CRABP2: variants seen among roughly 807,000 people sequenced by gnomAD.
The protein encoded by CRABP2 is cellular retinoic acid binding protein 2, also known as cellular retinoic acid-binding protein 2.
A neutral mutation model predicts 17.9 loss-of-function variants in CRABP2; 20 were observed. The ratio of observed to expected loss-of-function variants is 1.12; its 90% CI spans 0.79 to 1.63. CRABP2 has a LOEUF of 1.63. Ranked by LOEUF, CRABP2 falls within the 40% of genes most tolerant of loss-of-function variation. The pLI, the probability that CRABP2 is intolerant of heterozygous loss-of-function variation, is 0.00. For missense variants in CRABP2, 151 were observed against 168.6 expected (o/e 0.90, Z 0.58); for synonymous variants, 76 against 66.4 (o/e 1.14, Z -0.70).
At chr1:156,700,484 A>C in intron 3 of CRABP2, 58 bp downstream of exon 3, 4 of 1,400,144 alleles carry the variant, frequency 2.9e-6, no homozygotes, top group Non-Finnish European at 4.1e-6. Flanking sequence ...GGGGTCTCCC[A>C]GAGAATCTTG....
chr1:156,705,675 C>T (rs1571483291), upstream of CRABP2: 1 of 486,892 alleles, frequency 2.1e-6, no homozygotes, highest in South Asian at 3.6e-5. This position sits in a 1 kb window ranked among gnomAD's most constrained non-coding sequence, Gnocchi z 5.2. Context: ...TCCGCCCCCC[C>T]CCACCTGGGG....
intron 1 of CRABP2, among the ~76,000 whole-genome samples, chr1:156,702,578 G>T (rs1648070264): frequency 1.3e-5 from 2 of 152,038 alleles, no homozygotes; most frequent in African/African-American, 4.8e-5. Context: ...TTTGAGACCA[G>T]CCTGACCAAC....
At chr1:156,704,137 G>A (rs1217238129) in intron 1 of CRABP2, among the ~76,000 whole-genome samples, 1 of 152,150 alleles carries the variant, frequency 6.6e-6, no homozygotes, top group Non-Finnish European at 1.5e-5. Flanking sequence ...TGGCATCTAG[G>A]CTTTCCAAAG....
At chr1:156,700,707 G>A (rs1431205665) in intron 2 of CRABP2, 49 bp from the exon 3 acceptor site, 1 of 1,556,416 alleles carries the variant, frequency 6.4e-7, no homozygotes, top group Non-Finnish European at 8.9e-7. Context: ...CAGGGGCAAT[G>A]CAGTGAGAGG....
rs546957711 is a variant in CRABP2 at position 156,705,379 on chromosome 1, A to G, written c.68T>C (p.Leu23Pro). The change falls in exon 1 of 4, where the codon CTG becomes CCG. Residue 23 changes from leucine (L) to proline (P), a missense_variant and splice_region_variant. Transcript: ENST00000368222. The surrounding 1 kb of genome is among the most constrained non-coding windows in gnomAD (Gnocchi z 5.2). Reference sequence around the variant, plus strand: ...TGGGCCCTCGAACATTTCCTTACCCAGCACTTTGAGCAATTCCTCGAAGTT... The same window carrying G: ...TGGGCCCTCGAACATTTCCTTACCCGGCACTTTGAGCAATTCCTCGAAGTT... ...SENFEELLKV[L>P]GVNVMLRKIA... The G allele has an allele frequency of 6.2e-7, 1 of 1,614,052 alleles. No homozygotes were observed. Among genetic ancestry groups the G allele is most frequent in the Non-Finnish European group, 8.5e-7 (1 of 1,179,996 alleles).
intron 2 of CRABP2, 91 bp from the exon 3 acceptor site, chr1:156,700,749 C>T (rs575189826): frequency 6.6e-7 from 1 of 1,511,800 alleles, no homozygotes; most frequent in Non-Finnish European, 9.1e-7. Flanking sequence ...CTAGCCCCCA[C>T]CACCACCTAG....
At chr1:156,701,887 C>T (rs1287446166) in intron 1 of CRABP2, among the ~76,000 whole-genome samples, 1 of 152,018 alleles carries the variant, frequency 6.6e-6, no homozygotes, top group East Asian at 1.9e-4. Flanking sequence ...ACCTATAATC[C>T]CAGCACTTTA....
intron 1 of CRABP2, among the ~76,000 whole-genome samples, chr1:156,703,881 G>A (rs1648114698): frequency 6.6e-6 from 1 of 152,336 alleles, no homozygotes; most frequent in Admixed American, 6.5e-5. Context: ...TGAGGGCCCA[G>A]CTTAGCCGGC....
chr1:156,699,783 C>A lies in CRABP2; in HGVS notation c.*243G>T, dbSNP rs1010363230. 2 of 528,816 alleles carry A rather than the reference C, an allele frequency of 3.8e-6. No homozygotes were observed. The highest frequency in any genetic ancestry group is 3.2e-5 in the Admixed American group (1 of 31,612). The allele number at this position is 528,816 out of a possible 1,614,324, so 32.8% of individuals were successfully genotyped here. A position where few individuals can be genotyped will look rare whatever the true frequency, so the allele number is the denominator to read the frequency against. ...GGCTAGGACTGCTGACTTGGGGAGG[C>A]GGGGAGTGAACCCGGAATGGGTGAT... On this transcript the variant is annotated 3_prime_UTR_variant, in exon 4 of 4. Transcript: ENST00000368222.
intron 1 of CRABP2, among the ~76,000 whole-genome samples, chr1:156,703,969 G>A (rs1163002280): frequency 6.6e-6 from 1 of 152,140 alleles, no homozygotes; most frequent in East Asian, 1.9e-4. Flanking sequence ...GAGGGCACGT[G>A]GCTCAGAGAG....
In CRABP2 at chr1:156,705,464, C is replaced by A. The variant is rs1267171481; in HGVS notation, c.-18G>T. ...TTGGGCATGGTGGCGGCGCGGGAGG[C>A]GGTCCCCGTAGACTCCTAGGCTGGA... On this transcript the variant is annotated 5_prime_UTR_variant, in exon 1 of 4. Transcript: ENST00000368222. This position sits in a 1 kb window ranked among gnomAD's most constrained non-coding sequence, Gnocchi z 5.2. 2 of 1,613,864 alleles carry A rather than the reference C, an allele frequency of 1.2e-6. No individual in the cohort carries two copies. Among genetic ancestry groups the A allele is most frequent in the South Asian group, 2.2e-5 (2 of 91,086 alleles).
chr1:156,702,875 G>T (rs1236242345), intron 1 of CRABP2, among the ~76,000 whole-genome samples: 1 of 150,172 alleles, frequency 6.7e-6, no homozygotes. Context: ...CAATAGCTAT[G>T]ATTGTTGGTA....
Position 156,699,736 on chromosome 1 carries a change from A to G in CRABP2, c.*290T>C. 2 of 447,566 alleles carry G rather than the reference A, an allele frequency of 4.5e-6. No homozygotes were observed. Among genetic ancestry groups the G allele is most frequent in the Non-Finnish European group, 8.1e-6 (2 of 246,244 alleles). 27.7% of individuals were successfully genotyped at this position (447,566 alleles called of 1,614,324 possible). On this transcript the variant is annotated 3_prime_UTR_variant, in exon 4 of 4. Transcript: ENST00000368222. ...AGGCCCTCAAGTCCCCTTTAGAGAG[A>G]CCCTGCTCTGGGCTGGTTTGGGGCT...
In CRABP2 at chr1:156,705,330, T is replaced by C. The variant is rs779424358; in HGVS notation, c.70+47A>G. The C allele has an allele frequency of 3.7e-6, 6 of 1,600,744 alleles. 1 individual carries two copies. The South Asian group carries it at 6.6e-5, about 18-fold the overall frequency. On this transcript the variant is annotated intron_variant, in intron 1 of 3. Coordinates refer to ENST00000368222, the MANE Select transcript of CRABP2 (RefSeq NM_001878.4). The surrounding 1 kb of genome is among the most constrained non-coding windows in gnomAD (Gnocchi z 5.2). The stretch of plus-strand genomic sequence containing the variant: ...CTTTCTCATCCCCAACTTCGAGGAC[T>C]CCAGAGCCCCCCCTTGCCCCACCTG...
chr1:156,700,738 TCTAGCCCCCAC>T, intron 2 of CRABP2, 80 bp from the exon 3 acceptor site: 1 of 1,511,924 alleles, frequency 6.6e-7, no homozygotes, highest in Non-Finnish European at 9.2e-7. Flanking sequence ...AGAGCCCCTT[TCTAGCCCCCAC>T]CACCACCTAG....
In CRABP2 at chr1:156,700,641, C is replaced by T. The variant is rs1346153680; in HGVS notation, c.267G>A (p.Glu89=). The part of the protein sequence containing the change: ...GRPCKSLVKW[E]SENKMVCEQK... ...GCTCACAGACCATTTTATTCTCACTCTCCCATTTCACCAGGCTCTGCAAGA... is the reference window on the plus strand; with the variant it reads ...GCTCACAGACCATTTTATTCTCACTTTCCCATTTCACCAGGCTCTGCAAGA... Residue 89 remains glutamate, a synonymous_variant, in exon 3 of 4, where the codon GAG becomes GAA. Transcript: ENST00000368222. 1 of 1,614,180 alleles carries T rather than the reference C, an allele frequency of 6.2e-7. No homozygotes were observed. The highest frequency in any genetic ancestry group is 1.7e-5 in the Admixed American group (1 of 60,026).
At chr1:156,704,648 G>C (rs1324933623) in intron 1 of CRABP2, among the ~76,000 whole-genome samples, 1 of 152,242 alleles carries the variant, frequency 6.6e-6, no homozygotes, top group Non-Finnish European at 1.5e-5. Context: ...CTATGGTCGG[G>C]GGAGGTAGGT....
intron 1 of CRABP2, among the ~76,000 whole-genome samples, 182 bp from the exon 2 acceptor site, chr1:156,701,234 A>T (rs1408914762): frequency 6.6e-6 from 1 of 152,090 alleles, no homozygotes; most frequent in Non-Finnish European, 1.5e-5. Context: ...TAGGCGGTGC[A>T]GCCCTGAAAG....
chr1:156,705,050 CAG>C lies in CRABP2; in HGVS notation c.70+325_70+326del, dbSNP rs928316125. 3.9e-5 allele frequency among the ~76,000 whole-genome samples: 6 copies of C among 152,350 alleles called. No individual in the cohort carries two copies. Among genetic ancestry groups the C allele is most frequent in the Admixed American group, 3.9e-4 (6 of 15,306 alleles). On this transcript the variant is annotated intron_variant, in intron 1 of 3. Transcript: ENST00000368222. This position sits in a 1 kb window ranked among gnomAD's most constrained non-coding sequence, Gnocchi z 5.2. ...CCACCAGCCCGCAGCTTCTGAACTGCAGAGAGCCAGGTGCCTCGGCCCGCCGA... is the reference window on the plus strand; with the variant it reads ...CCACCAGCCCGCAGCTTCTGAACTGCAGAGCCAGGTGCCTCGGCCCGCCGA...
Sources: gnomAD v4.1 joint callset for allele counts (sites outside exome capture counted in the v4.1 genomes callset) on GRCh38, gnomAD v4.1.1 for gene constraint, Gnocchi (gnomAD v3.1) non-coding constraint, MANE v1.5 for transcripts, NCBI Gene and HGNC (gene_info 2026-07-23, HGNC 2026-07-21) for gene names.